Variants in SLC14A2 observed in about 807,000 individuals in gnomAD.
SLC14A2 encodes the protein solute carrier family 14 member 2.
Under a neutral mutation model 104.6 loss-of-function variants are expected in SLC14A2, and 91 were observed. The ratio of observed to expected loss-of-function variants is 0.87; its 90% CI spans 0.73 to 1.04. The LOEUF is 1.04. Ranked by LOEUF, SLC14A2 falls within the 50% of genes least tolerant of loss-of-function variation. The pLI is 0.00. For synonymous variants in SLC14A2, 476 were observed against 466.4 expected (o/e 1.02, Z -0.27); for missense variants, 1,189 against 1,156.0 (o/e 1.03, Z -0.41).
intron 1 of SLC14A2, among the ~76,000 whole-genome samples, chr18:45,430,611 T>C (rs749529437): frequency 1.3e-5 from 2 of 152,130 alleles, no homozygotes; most frequent in Non-Finnish European, 2.9e-5. Context: ...AGTCTCGCTC[T>C]ATTTCCCAGG....
intron 1 of SLC14A2, among the ~76,000 whole-genome samples, chr18:45,456,783 A>T (rs1422003382): frequency 6.7e-6 from 1 of 148,406 alleles, no homozygotes; most frequent in Admixed American, 6.7e-5. Flanking sequence ...ACCTTTTTGA[A>T]GCATCTTATT....
intron 1 of SLC14A2, among the ~76,000 whole-genome samples, chr18:45,428,666 CAT>C (rs2144543306): frequency 6.6e-6 from 1 of 152,326 alleles, no homozygotes; most frequent in Admixed American, 6.5e-5. Flanking sequence ...GTCAAAGTGA[CAT>C]GTCATCTGGG....
At chr18:45,209,028 A>T (rs1229060439), upstream of SLC14A2, among the ~76,000 whole-genome samples, 1 of 15,154 alleles carries the variant, frequency 6.6e-5, no homozygotes, top group Non-Finnish European at 2.1e-4. Flanking sequence ...ACAGGCATTT[A>T]AAAAAAAAAA....
chr18:45,429,389 A>G (rs2086480166), intron 1 of SLC14A2, among the ~76,000 whole-genome samples: 2 of 152,178 alleles, frequency 1.3e-5, no homozygotes, highest in African/African-American at 4.8e-5. Context: ...TCTTCATGCA[A>G]AATGATTTGA....
At chr18:45,500,814 C>T (rs2043186471) in intron 2 of SLC14A2, among the ~76,000 whole-genome samples, 1 of 152,170 alleles carries the variant, frequency 6.6e-6, no homozygotes, top group Non-Finnish European at 1.5e-5. Flanking sequence ...ACCTTTTCAC[C>T]AGGTTCTATC....
At chr18:45,245,303 C>G (rs1167801242) in intron 1 of SLC14A2, among the ~76,000 whole-genome samples, 1 of 152,142 alleles carries the variant, frequency 6.6e-6, no homozygotes, top group African/African-American at 2.4e-5. Context: ...AAGAATGTAG[C>G]TGGAGATTTT....
At chr18:45,326,354 T>C (rs1460619889) in intron 1 of SLC14A2, among the ~76,000 whole-genome samples, 1 of 152,198 alleles carries the variant, frequency 6.6e-6, no homozygotes, top group African/African-American at 2.4e-5. Context: ...TGGCACCTCC[T>C]TTGGATTCTC....
Position 45,240,091 on chromosome 18 carries a change from C to CTTTT in SLC14A2, c.-125+26922_-125+26925dup, listed in dbSNP as rs763802776. Among the ~76,000 whole-genome samples the CTTTT allele has an allele frequency of 4.5e-3, 403 of 89,634 alleles. 32 individuals carry two copies. Among genetic ancestry groups the CTTTT allele is most frequent in the African/African-American group, 0.017 (342 of 20,162 alleles). The allele number at this position is 89,634 out of a possible 152,430, so 58.8% of individuals were successfully genotyped here. ...AATAAACATGAGAGTGCAAATATCT[C>CTTTT]TTTTTTTTTTTTTTTTTTTTTTTTT... On this transcript the variant is annotated intron_variant, in intron 1 of 20. Transcript: ENST00000586448.
At chr18:45,238,206 T>G (rs76972022) in intron 1 of SLC14A2, among the ~76,000 whole-genome samples, 1,912 of 152,326 alleles carry the variant, frequency 0.013, 19 homozygotes, top group Middle Eastern at 0.024. Flanking sequence ...ATATCAGGTT[T>G]CCGGCATGTC....
chr18:45,306,430 T>A (rs2085021812), intron 1 of SLC14A2, among the ~76,000 whole-genome samples: 1 of 152,198 alleles, frequency 6.6e-6, no homozygotes. Context: ...CCATTCAGTC[T>A]CTGTCATAGC....
At chr18:45,662,957 T>C (rs1239909512) in intron 10 of SLC14A2, among the ~76,000 whole-genome samples, 1 of 152,172 alleles carries the variant, frequency 6.6e-6, no homozygotes, top group East Asian at 1.9e-4. Context: ...CAGTTCTTGA[T>C]CCACACATTG....
chr18:45,179,832 G>A, the SLC14A2 span: 1 of 151,132 alleles, frequency 6.6e-6, no homozygotes, highest in South Asian at 2.1e-4. Flanking sequence ...ACAAATGATA[G>A]GAAGCAGAGC....
intron 6 of SLC14A2, 99 bp from the exon 7 acceptor site, chr18:45,639,647 C>T: frequency 1.7e-6 from 2 of 1,191,992 alleles, no homozygotes; most frequent in Non-Finnish European, 2.4e-6. Flanking sequence ...TCCCGTTCCA[C>T]TCCATTACTC....
At chr18:45,329,370 C>A (rs1265193590) in intron 1 of SLC14A2, among the ~76,000 whole-genome samples, 1 of 152,092 alleles carries the variant, frequency 6.6e-6, no homozygotes, top group Non-Finnish European at 1.5e-5. Context: ...CTGGCAGCAC[C>A]CTGCCTCTAG....
At chr18:45,503,840 T>G (rs112315700) in intron 2 of SLC14A2, among the ~76,000 whole-genome samples, 90 of 151,838 alleles carry the variant, frequency 5.9e-4, no homozygotes, top group African/African-American at 1.6e-3. Flanking sequence ...TTATCAAAGA[T>G]ACCACTGGAA....
intron 1 of SLC14A2, among the ~76,000 whole-genome samples, chr18:45,446,836 A>G (rs1272379908): frequency 6.6e-6 from 1 of 152,196 alleles, no homozygotes; most frequent in East Asian, 1.9e-4. Flanking sequence ...TGAATAGGAC[A>G]GAATAGGAAA....
At position 45,465,350 on chromosome 18, in the gene SLC14A2, A is replaced by C. The variant is rs116912886; in HGVS notation, c.-124-17883A>C. Among the ~76,000 whole-genome samples the C allele has an allele frequency of 4.0e-4, 61 of 152,266 alleles. 1 individual carries two copies. The East Asian group carries it at 0.011, about 27-fold the overall frequency. On this transcript the variant is annotated intron_variant, in intron 1 of 20. Coordinates refer to the SLC14A2 transcript ENST00000586448. ...CAGCTCCATTTCCTCATGGAGCTGC[A>C]CTGTTGGCAGTTGTGGTAACAAAGA...
intron 1 of SLC14A2, among the ~76,000 whole-genome samples, chr18:45,338,698 A>C (rs930641126): frequency 7.6e-4 from 90 of 117,670 alleles, no homozygotes; most frequent in Middle Eastern, 8.8e-3. Flanking sequence ...AAAAAAAAAA[A>C]AAAAAAAAAA....
At chr18:45,191,811 G>C in the SLC14A2 span, among the ~76,000 whole-genome samples, 2 of 152,124 alleles carry the variant, frequency 1.3e-5, no homozygotes, top group African/African-American at 4.8e-5. Context: ...GGAGAAACCA[G>C]GTAGAAACAA....
Sources: gnomAD v4.1 joint callset for allele counts (sites outside exome capture counted in the v4.1 genomes callset) on GRCh38, gnomAD v4.1.1 for gene constraint, MANE v1.5 for transcripts, NCBI Gene and HGNC (gene_info 2026-07-23, HGNC 2026-07-21) for gene names.